The following GRIK2 variants were observed in gnomAD, a reference collection of about 807,000 sequenced individuals.
The protein encoded by GRIK2 is glutamate receptor ionotropic, kainate 2.
Under a neutral mutation model 100.3 loss-of-function variants are expected in GRIK2, and 32 were observed. That is an observed-to-expected ratio of 0.32 (90% CI 0.24 to 0.43). The LOEUF is 0.43. GRIK2 is among the 20% of genes least tolerant of loss of function. GRIK2 has a pLI of 1.00. For synonymous variants in GRIK2, 417 were observed against 389.4 expected (o/e 1.07, Z -0.83); for missense variants, 843 against 1,114.9 (o/e 0.76, Z 3.47).
In GRIK2 at chr6:101,490,483, G is replaced by T. The variant is rs541966138; in HGVS notation, c.115+91091G>T. Among the ~76,000 whole-genome samples the T allele has an allele frequency of 1.7e-4, 25 of 146,646 alleles. 3 individuals carry two copies. Among genetic ancestry groups the T allele is most frequent in the African/African-American group, 6.5e-4 (25 of 38,582 alleles). On this transcript the variant is annotated intron_variant, in intron 2 of 16. Coordinates refer to ENST00000369134, the MANE Select transcript of GRIK2 (RefSeq NM_021956.5). The stretch of plus-strand genomic sequence containing the variant: ...CATGAATTGCCACAGGTGTTCAAAG[G>T]AGGCAGAGGTGGTTAAGAAAGGCAG...
intron 4 of GRIK2, among the ~76,000 whole-genome samples, chr6:101,651,214 A>G (rs1781776794): frequency 6.6e-6 from 1 of 152,130 alleles, no homozygotes. Flanking sequence ...TTTTGGGTCT[A>G]TTCTACTCAC....
At chr6:101,422,872 CTG>C (rs906244275) in intron 2 of GRIK2, among the ~76,000 whole-genome samples, 10 of 152,124 alleles carry the variant, frequency 6.6e-5, no homozygotes, top group African/African-American at 2.2e-4. Flanking sequence ...ACTTAGAACT[CTG>C]TGTGGAGTTC....
chr6:101,934,644 A>T (rs1696665805), intron 14 of GRIK2, among the ~76,000 whole-genome samples: 1 of 151,936 alleles, frequency 6.6e-6, no homozygotes, highest in Non-Finnish European at 1.5e-5. Flanking sequence ...ATCTAAAAAC[A>T]TATACTATTC....
At chr6:101,959,156 T>G (rs550095393) in intron 14 of GRIK2, among the ~76,000 whole-genome samples, 14 of 152,208 alleles carry the variant, frequency 9.2e-5, no homozygotes, top group Middle Eastern at 3.4e-3. Context: ...ATAGTAAAAT[T>G]TATACTGGTA....
intron 13 of GRIK2, among the ~76,000 whole-genome samples, chr6:101,926,195 GT>G (rs35007201): frequency 0.24 from 30,598 of 127,446 alleles, 4,476 homozygotes; most frequent in Non-Finnish European, 0.34. Context: ...GGGTCCAAGG[GT>G]TTTTTTTTTT....
intron 11 of GRIK2, among the ~76,000 whole-genome samples, chr6:101,879,702 A>G (rs1204448789): frequency 1.3e-5 from 2 of 151,000 alleles, no homozygotes; most frequent in African/African-American, 4.9e-5. Flanking sequence ...ACCCCATCCA[A>G]CCCCTGAGTT....
At chr6:101,638,522 A>C (rs771869547) in intron 4 of GRIK2, among the ~76,000 whole-genome samples, 1 of 150,828 alleles carries the variant, frequency 6.6e-6, no homozygotes, top group African/African-American at 2.5e-5. Flanking sequence ...CAATTATGCC[A>C]TATCTAAAGA....
intron 14 of GRIK2, among the ~76,000 whole-genome samples, chr6:101,990,175 C>T (rs73500506): frequency 0.012 from 1,838 of 151,728 alleles, 35 homozygotes; most frequent in African/African-American, 0.042. Context: ...TACAGTGAGT[C>T]TTTATTCAGT....
intron 6 of GRIK2, among the ~76,000 whole-genome samples, chr6:101,683,095 C>T (rs1428065973): frequency 6.6e-6 from 1 of 151,758 alleles, no homozygotes; most frequent in African/African-American, 2.4e-5. Flanking sequence ...CACAGCTACT[C>T]GGGAGCCTGA....
rs998954566 is a variant in GRIK2, at chr6:102,064,284, TCTCCTTCTC to T, written c.2563-4050_2563-4042del. On this transcript the variant is annotated intron_variant, in intron 16 of 16. Coordinates refer to ENST00000369134, the MANE Select transcript of GRIK2 (RefSeq NM_021956.5). The stretch of plus-strand genomic sequence containing the variant: ...CTCCTCCCTCTCCTTCTCCTTCTCT[TCTCCTTCTC>T]CTCCTTCTCCTCTCCTTCTCCTCCT... Among the ~76,000 whole-genome samples the T allele has an allele frequency of 1.7e-4, 26 of 149,834 alleles. 1 individual carries two copies. The highest frequency in any genetic ancestry group is 4.1e-4 in the African/African-American group (17 of 41,086).
chr6:101,837,511 A>G (rs2128432161), intron 10 of GRIK2, among the ~76,000 whole-genome samples: 1 of 152,304 alleles, frequency 6.6e-6, no homozygotes, highest in African/African-American at 2.4e-5. Context: ...TAAGCCCTAA[A>G]TATATGCAGT....
At chr6:101,427,925 A>T (rs1389059722) in intron 2 of GRIK2, among the ~76,000 whole-genome samples, 1 of 152,170 alleles carries the variant, frequency 6.6e-6, no homozygotes, top group East Asian at 1.9e-4. Context: ...TCACAGAGGC[A>T]ATGGGTAATA....
intron 14 of GRIK2, among the ~76,000 whole-genome samples, chr6:101,951,291 A>C (rs2128479186): frequency 6.6e-6 from 1 of 152,330 alleles, no homozygotes; most frequent in Non-Finnish European, 1.5e-5. Flanking sequence ...GATAAAAGGT[A>C]TTTAAGAGAG....
chr6:101,524,207 T>C (rs1249297173), intron 2 of GRIK2, among the ~76,000 whole-genome samples: 2 of 152,160 alleles, frequency 1.3e-5, no homozygotes, highest in Admixed American at 6.5e-5. Flanking sequence ...AGAAAGGGTG[T>C]CATAACATGA....
chr6:101,793,077 C>A (rs1158143505), intron 7 of GRIK2, among the ~76,000 whole-genome samples: 2 of 152,286 alleles, frequency 1.3e-5, no homozygotes, highest in East Asian at 3.9e-4. Context: ...TTAAGCACTT[C>A]TCTGTATTGT....
At chr6:101,902,911 G>C (rs953241012) in intron 12 of GRIK2, among the ~76,000 whole-genome samples, 1 of 151,806 alleles carries the variant, frequency 6.6e-6, no homozygotes, top group African/African-American at 2.4e-5. Flanking sequence ...GAATTAATAG[G>C]GGATGATTGT....
intron 7 of GRIK2, among the ~76,000 whole-genome samples, chr6:101,747,679 C>G (rs1047562096): frequency 2.4e-5 from 3 of 123,806 alleles, no homozygotes; most frequent in Non-Finnish European, 5.2e-5. Flanking sequence ...TATTTTATAA[C>G]AACATTATAG....
At chr6:102,033,937 G>T (rs1278936673) in intron 14 of GRIK2, among the ~76,000 whole-genome samples, 2 of 151,266 alleles carry the variant, frequency 1.3e-5, no homozygotes, top group Admixed American at 1.3e-4. Context: ...CTTAAAGTTG[G>T]TTGGTTTTCA....
intron 2 of GRIK2, among the ~76,000 whole-genome samples, chr6:101,600,479 A>G (rs1273449977): frequency 6.6e-6 from 1 of 151,874 alleles, no homozygotes; most frequent in Non-Finnish European, 1.5e-5. Flanking sequence ...TGAATCTGTA[A>G]CTTGCTTTGG....
Sources: gnomAD v4.1 joint callset for allele counts (sites outside exome capture counted in the v4.1 genomes callset) on GRCh38, gnomAD v4.1.1 for gene constraint, MANE v1.5 for transcripts, NCBI Gene and HGNC (gene_info 2026-07-23, HGNC 2026-07-21) for gene names.